VPS13B: variants seen among roughly 807,000 people sequenced by gnomAD.
VPS13B encodes intermembrane lipid transfer protein VPS13B.
Under a neutral mutation model 426.4 loss-of-function variants are expected in VPS13B, and 285 were observed. That is an observed-to-expected ratio of 0.67 (90% CI 0.61 to 0.74). The LOEUF is 0.74. Ranked by LOEUF, VPS13B falls within the 30% of genes least tolerant of loss-of-function variation. VPS13B has a pLI of 0.00. For missense variants in VPS13B, 4,537 were observed against 4,782.6 expected (o/e 0.95, Z 1.51); for synonymous variants, 1,676 against 1,676.4 (o/e 1.00, Z 0.01).
At chr8:99,049,999 A>AT (rs928807498) in intron 3 of VPS13B, among the ~76,000 whole-genome samples, 11 of 140,778 alleles carry the variant, frequency 7.8e-5, no homozygotes, top group South Asian at 4.5e-4. Context: ...TCCTTCTTTT[A>AT]TTTTTTTTTA....
chr8:99,434,942 A>T (rs569223596), intron 22 of VPS13B, among the ~76,000 whole-genome samples: 1 of 152,206 alleles, frequency 6.6e-6, no homozygotes, highest in South Asian at 2.1e-4. Context: ...AATTTTTGTT[A>T]TATGTTGGGC....
At chr8:99,104,192 T>TA (rs1356862886) in intron 5 of VPS13B, among the ~76,000 whole-genome samples, 1 of 152,228 alleles carries the variant, frequency 6.6e-6, no homozygotes, top group Non-Finnish European at 1.5e-5. Context: ...TACAGCATGT[T>TA]ACTGTGCTGA....
chr8:99,391,501 T>G, intron 20 of VPS13B, 56 bp from the exon 21 acceptor site: 1 of 1,613,064 alleles, frequency 6.2e-7, no homozygotes, highest in Admixed American at 1.7e-5. Flanking sequence ...CCTTTGCTGC[T>G]TAAGAAATAG....
intron 58 of VPS13B, among the ~76,000 whole-genome samples, chr8:99,866,224 G>A (rs557005541): frequency 6.6e-6 from 1 of 152,350 alleles, no homozygotes; most frequent in Non-Finnish European, 1.5e-5. Flanking sequence ...TAATTTACCA[G>A]TTGTGGGATT....
At chr8:99,133,477 A>G (rs1379071645) in intron 8 of VPS13B, among the ~76,000 whole-genome samples, 2 of 152,150 alleles carry the variant, frequency 1.3e-5, no homozygotes, top group Non-Finnish European at 2.9e-5. Context: ...TTCCTTCAAG[A>G]CTTTTTCTTT....
chr8:99,389,010 G>A (rs574707346), intron 20 of VPS13B, among the ~76,000 whole-genome samples: 3 of 152,164 alleles, frequency 2.0e-5, no homozygotes, highest in Admixed American at 6.5e-5. Context: ...TTAGCTGGGC[G>A]CAGTGGCAGG....
intron 13 of VPS13B, among the ~76,000 whole-genome samples, chr8:99,145,950 C>G (rs1022847239): frequency 7.2e-5 from 11 of 152,200 alleles, no homozygotes; most frequent in Non-Finnish European, 4.4e-5. Flanking sequence ...TTCTTTACAT[C>G]TTCCCAGCAT....
intron 39 of VPS13B, among the ~76,000 whole-genome samples, chr8:99,764,877 A>C (rs1811132048): frequency 6.6e-6 from 1 of 152,220 alleles, no homozygotes; most frequent in Admixed American, 6.5e-5. Flanking sequence ...GTATATACAT[A>C]TATATGTGTG....
intron 19 of VPS13B, among the ~76,000 whole-genome samples, chr8:99,319,488 C>T (rs542085870): frequency 6.6e-6 from 1 of 152,060 alleles, no homozygotes; most frequent in Admixed American, 6.6e-5. Flanking sequence ...TGGAAATCTG[C>T]GAGAATATTT....
chr8:99,273,627 A>T (rs969605439), intron 17 of VPS13B, among the ~76,000 whole-genome samples: 8 of 152,038 alleles, frequency 5.3e-5, no homozygotes, highest in Admixed American at 3.3e-4. Context: ...TCTACTAAAA[A>T]TACAAAAATT....
intron 17 of VPS13B, among the ~76,000 whole-genome samples, chr8:99,225,689 A>G (rs1242835728): frequency 6.6e-6 from 1 of 152,114 alleles, no homozygotes; most frequent in East Asian, 1.9e-4. Context: ...CCTGGGCTCT[A>G]CTTTGTGTTA....
chr8:99,360,460 G>A (rs1211511466), intron 19 of VPS13B, among the ~76,000 whole-genome samples: 1 of 151,102 alleles, frequency 6.6e-6, no homozygotes, highest in Non-Finnish European at 1.5e-5. Flanking sequence ...TGTATTTTTA[G>A]TAGAGACGGG....
chr8:99,450,322 T>C (rs1459704035), intron 23 of VPS13B, among the ~76,000 whole-genome samples: 1 of 152,216 alleles, frequency 6.6e-6, no homozygotes, highest in East Asian at 1.9e-4. Context: ...ATTCATTGTC[T>C]ATATTCTATT....
In VPS13B at chr8:99,309,914, A is replaced by T. The variant is rs1820860167; in HGVS notation, c.2824+34660A>T. Among the ~76,000 whole-genome samples the T allele has an allele frequency of 1.3e-5, 2 of 152,156 alleles. 1 individual carries two copies. Among genetic ancestry groups the T allele is most frequent in the South Asian group, 4.1e-4 (2 of 4,824 alleles). Reference sequence around the variant, plus strand: ...ATCCTTCACATCCGTTGTAAGATGGATTCCTAGGTATTTTATTCTCTTTGA... The same window carrying T: ...ATCCTTCACATCCGTTGTAAGATGGTTTCCTAGGTATTTTATTCTCTTTGA... On this transcript the variant is annotated intron_variant, in intron 19 of 61. Transcript: ENST00000357162.
chr8:99,233,341 T>G, intron 17 of VPS13B: 1 of 1,058,086 alleles, frequency 9.5e-7, no homozygotes. Context: ...TTCTTTGGGG[T>G]TAAAGAAGTT....
At chr8:99,133,534 T>G (rs890332463) in intron 8 of VPS13B, among the ~76,000 whole-genome samples, 2 of 152,256 alleles carry the variant, frequency 1.3e-5, no homozygotes, top group Non-Finnish European at 2.9e-5. Context: ...GCCTATGTTT[T>G]GGCCTGTCTT....
intron 17 of VPS13B, among the ~76,000 whole-genome samples, chr8:99,222,100 G>GGACAA (rs1465203963): frequency 3.3e-5 from 5 of 152,144 alleles, no homozygotes; most frequent in African/African-American, 1.2e-4. Flanking sequence ...GGCATCACTG[G>GGACAA]GACAATTAAG....
chr8:99,597,673 C>G (rs992807974), intron 33 of VPS13B, among the ~76,000 whole-genome samples: 1 of 151,988 alleles, frequency 6.6e-6, no homozygotes, highest in Non-Finnish European at 1.5e-5. Flanking sequence ...GTAAGGATAA[C>G]AAAGTGGACA....
At chr8:99,351,445 T>TGTGC (rs1420880287) in intron 19 of VPS13B, among the ~76,000 whole-genome samples, 1 of 151,786 alleles carries the variant, frequency 6.6e-6, no homozygotes, top group African/African-American at 2.4e-5. Context: ...AGTGTGTGTG[T>TGTGC]GTGTGTGTGT....
Sources: allele counts gnomAD v4.1 joint callset (sites outside exome capture counted in the v4.1 genomes callset), GRCh38; gene constraint gnomAD v4.1.1; transcripts MANE v1.5; gene names NCBI Gene and HGNC (gene_info 2026-07-23, HGNC 2026-07-21).